CLIP3: variants seen among roughly 807,000 people sequenced by gnomAD.
CLIP3 encodes CAP-Gly domain containing linker protein 3.
CLIP3 carries 15 observed loss-of-function variants against 59.4 expected under a neutral mutation model. The observed-to-expected ratio is 0.25, with a 90% CI of 0.17 to 0.39. The LOEUF (loss-of-function observed/expected upper bound fraction) is 0.39. Ranked by LOEUF, CLIP3 falls within the 10% of genes least tolerant of loss-of-function variation. CLIP3 has a pLI of 1.00. For missense variants in CLIP3, 495 were observed against 765.7 expected, an observed-to-expected ratio of 0.65 and a Z score of 4.17; for synonymous variants, 300 against 321.6, an observed-to-expected ratio of 0.93 and a Z score of 0.72.
chr19:36,031,008 CTT>C (rs374690845), intron 2 of CLIP3, among the ~76,000 whole-genome samples: 18 of 77,838 alleles, frequency 2.3e-4, no homozygotes, highest in African/African-American at 8.2e-4. Flanking sequence ...TTTTTCTTTT[CTT>C]TTTTTTTTTT....
At position 36,026,351 on chromosome 19, in the gene CLIP3, G is replaced by A; in HGVS notation, c.563-86C>T. 7.7e-7 allele frequency: 1 copy of A among 1,300,916 alleles called. No homozygotes were observed. The highest frequency in any genetic ancestry group is 1.1e-6 in the Non-Finnish European group (1 of 910,560). 80.6% of individuals were successfully genotyped at this position (1,300,916 alleles called of 1,614,324 possible). ...CACCTCGGGGCTCATCTCTTAACTT[G>A]CAGGTCCCAGAGCCTCCGACGCAGA... On this transcript the variant is annotated intron_variant, in intron 5 of 13. Coordinates refer to ENST00000360535, the MANE Select transcript of CLIP3 (RefSeq NM_015526.3). This position sits in a 1 kb window ranked among gnomAD's most constrained non-coding sequence, Gnocchi z 6.3.
chr19:36,031,030 TTTTTTTTTTTTG>T, intron 2 of CLIP3, among the ~76,000 whole-genome samples: 1 of 124,256 alleles, frequency 8.0e-6, no homozygotes, highest in African/African-American at 3.4e-5. Flanking sequence ...TTTCTTTTTT[TTTTTTTTTTTTG>T]AGACAGTCTT....
Position 36,030,058 on chromosome 19 carries a change from A to ACTTTTTT in CLIP3, c.166+2127_166+2133dup, listed in dbSNP as rs1250552597. Among the ~76,000 whole-genome samples the ACTTTTTT allele has an allele frequency of 2.6e-5, 4 of 151,990 alleles. No homozygotes were observed. The South Asian group carries it at 8.3e-4, about 32-fold the overall frequency. ...CTCAGGCCCCAGATAACTTCCTTTT[A>ACTTTTTT]CTTTTTTCTTTTTTTGAGACAGGGT... On this transcript the variant is annotated intron_variant, in intron 2 of 13. Transcript: ENST00000360535.
chr19:36,021,723 G>A (rs964603800), intron 7 of CLIP3, among the ~76,000 whole-genome samples: 2 of 151,674 alleles, frequency 1.3e-5, no homozygotes, highest in Non-Finnish European at 2.9e-5. Flanking sequence ...CACATTTGGC[G>A]GAAACATTTT....
intron 2 of CLIP3, among the ~76,000 whole-genome samples, chr19:36,028,016 C>A (rs1212054705): frequency 6.6e-6 from 1 of 151,576 alleles, no homozygotes; most frequent in Non-Finnish European, 1.5e-5. Context: ...GGCAACAGAG[C>A]AAGACCCTGA....
chr19:36,032,550 G>C lies in CLIP3; in HGVS notation c.-58-135C>G, dbSNP rs1969294247. On this transcript the variant is annotated intron_variant, in intron 1 of 13. Coordinates refer to ENST00000360535, the MANE Select transcript of CLIP3 (RefSeq NM_015526.3). This position sits in a 1 kb window ranked among gnomAD's most constrained non-coding sequence, Gnocchi z 4.3. ...ATAGGGACCCCCGTTACCCATAGAGGGCCCCGGTGTGTGCGCCCAGCGCCT... is the reference window on the plus strand; with the variant it reads ...ATAGGGACCCCCGTTACCCATAGAGCGCCCCGGTGTGTGCGCCCAGCGCCT... 2.6e-6 allele frequency: 1 copy of C among 390,484 alleles called. No individual in the cohort carries two copies. Among genetic ancestry groups the C allele is most frequent in the Non-Finnish European group, 4.5e-6 (1 of 221,572 alleles). 24.2% of individuals were successfully genotyped at this position (390,484 alleles called of 1,614,324 possible).
At chr19:36,022,349 A>G (rs533695796) in intron 7 of CLIP3, among the ~76,000 whole-genome samples, 94 of 152,276 alleles carry the variant, frequency 6.2e-4, no homozygotes, top group South Asian at 3.9e-3. Flanking sequence ...CCATTTACGG[A>G]TGAAGACATT....
chr19:36,024,362 A>ACCCCCC, intron 7 of CLIP3, 34 bp downstream of exon 7: 1 of 1,378,006 alleles, frequency 7.3e-7, no homozygotes, highest in Non-Finnish European at 1.0e-6. Context: ...TCCCACCCCC[A>ACCCCCC]CCCACCATGC....
At position 36,032,525 on chromosome 19, in the gene CLIP3, A is replaced by G; in HGVS notation, c.-58-110T>C. On this transcript the variant is annotated intron_variant, in intron 1 of 13. Transcript: ENST00000360535. This position sits in a 1 kb window ranked among gnomAD's most constrained non-coding sequence, Gnocchi z 4.3. ...CCGCGCAACTGGATCTTGGGCAACC[A>G]TAGGGACCCCCGTTACCCATAGAGG... 2.5e-6 allele frequency: 1 copy of G among 397,486 alleles called. No individual in the cohort carries two copies. The highest frequency in any genetic ancestry group is 4.4e-6 in the Non-Finnish European group (1 of 226,332). The allele number at this position is 397,486 out of a possible 1,614,324, so 24.6% of individuals were successfully genotyped here.
At position 36,026,431 on chromosome 19, in the gene CLIP3, G is replaced by C. The variant is rs1313809600; in HGVS notation, c.562+155C>G. On this transcript the variant is annotated intron_variant, in intron 5 of 13. Transcript: ENST00000360535. The surrounding 1 kb of genome is among the most constrained non-coding windows in gnomAD (Gnocchi z 6.3). ...CCCTTGGCAGCCCCGACCCTCCCTAGAGTGGTAGTCCCTGAGCCCCCTCTC... is the reference window on the plus strand; with the variant it reads ...CCCTTGGCAGCCCCGACCCTCCCTACAGTGGTAGTCCCTGAGCCCCCTCTC... Among the ~76,000 whole-genome samples, 1 of 142,718 alleles carries C rather than the reference G, an allele frequency of 7.0e-6. No homozygotes were observed. The highest frequency in any genetic ancestry group is 2.2e-4 in the South Asian group (1 of 4,584). The allele number at this position is 142,718 out of a possible 152,430, so 93.6% of individuals were successfully genotyped here. A position where few individuals can be genotyped will look rare whatever the true frequency, so the allele number is the denominator to read the frequency against.
At chr19:36,020,923 A>G (rs2145395155) in intron 7 of CLIP3, among the ~76,000 whole-genome samples, 1 of 152,026 alleles carries the variant, frequency 6.6e-6, no homozygotes, top group African/African-American at 2.4e-5. Context: ...GTGCAATCAT[A>G]GCTCAGTGTA....
chr19:36,016,068 G>A lies in CLIP3; in HGVS notation c.*90C>T. 7.2e-7 allele frequency: 1 copy of A among 1,380,694 alleles called. No homozygotes were observed. The highest frequency in any genetic ancestry group is 1.2e-5 in the South Asian group (1 of 83,846). The allele number at this position is 1,380,694 out of a possible 1,614,324, so 85.5% of individuals were successfully genotyped here. On this transcript the variant is annotated 3_prime_UTR_variant, in exon 14 of 14. Coordinates refer to ENST00000360535, the MANE Select transcript of CLIP3 (RefSeq NM_015526.3). This position sits in a 1 kb window ranked among gnomAD's most constrained non-coding sequence, Gnocchi z 4.1. ...GGGTCTCTACTCTGGATGTGTTACT[G>A]GGAATCTCTATCTCAGGGTGACTCA...
chr19:36,022,692 G>A (rs545344952), intron 7 of CLIP3, among the ~76,000 whole-genome samples: 1 of 152,006 alleles, frequency 6.6e-6, no homozygotes, highest in East Asian at 1.9e-4. Flanking sequence ...GAGCCAAGGC[G>A]GGCGAATCGC....
rs1419750116 is a variant in CLIP3 at position 36,032,330 on chromosome 19, C to A, written c.28G>T (p.Ala10Ser). 2 of 1,273,698 alleles carry A rather than the reference C, an allele frequency of 1.6e-6. No individual in the cohort carries two copies. Among genetic ancestry groups the A allele is most frequent in the Admixed American group, 4.1e-5 (1 of 24,532 alleles). 78.9% of individuals were successfully genotyped at this position (1,273,698 alleles called of 1,614,324 possible). Residue 10 changes from alanine to serine, a missense_variant, in exon 2 of 14, where the codon GCC becomes TCC. Coordinates refer to ENST00000360535, the MANE Select transcript of CLIP3 (RefSeq NM_015526.3). This position sits in a 1 kb window ranked among gnomAD's most constrained non-coding sequence, Gnocchi z 4.3. The part of the protein sequence containing the change: MTKTDPAPM[A>S]PPPRGEEEEE... The stretch of plus-strand genomic sequence containing the variant: ...TCCTCCTCTCCTCGGGGTGGCGGGG[C>A]CATCGGGGCAGGATCTGTCTTAGTC...
rs1173827401 is a variant in CLIP3, at chr19:36,032,318, G to C, written c.40C>G (p.Arg14Gly). The C allele has an allele frequency of 6.3e-6, 8 of 1,275,184 alleles. No homozygotes were observed. Among genetic ancestry groups the C allele is most frequent in the Middle Eastern group, 2.0e-4 (1 of 4,928 alleles). The allele number at this position is 1,275,184 out of a possible 1,614,324, so 79.0% of individuals were successfully genotyped here. A position where few individuals can be genotyped will look rare whatever the true frequency, so the allele number is the denominator to read the frequency against. Residue 14 changes from arginine to glycine, a missense_variant, in exon 2 of 14, where the codon CGA becomes GGA. By Grantham distance (125) the Arg-to-Gly change is moderately radical. Transcript: ENST00000360535. The surrounding 1 kb of genome is among the most constrained non-coding windows in gnomAD (Gnocchi z 4.3). ...TCCTCCTCTTCTTCCTCCTCTCCTC[G>C]GGGTGGCGGGGCCATCGGGGCAGGA... The part of the protein sequence containing the change: ...TDPAPMAPPP[R>G]GEEEEEEEED...
At chr19:36,018,413 T>A (rs1368364147) in intron 9 of CLIP3, among the ~76,000 whole-genome samples, 1 of 151,838 alleles carries the variant, frequency 6.6e-6, no homozygotes, top group Non-Finnish European at 1.5e-5. Context: ...ACCCTGTCTC[T>A]ACAGAAAAAA....
intron 7 of CLIP3, among the ~76,000 whole-genome samples, chr19:36,021,363 C>T (rs1432218249): frequency 6.6e-6 from 1 of 152,026 alleles, no homozygotes; most frequent in African/African-American, 2.4e-5. Flanking sequence ...TGGCACAGTG[C>T]AGCCTCAAAC....
intron 2 of CLIP3, among the ~76,000 whole-genome samples, chr19:36,031,503 C>T (rs1296423237): frequency 6.6e-6 from 1 of 152,176 alleles, no homozygotes; most frequent in African/African-American, 2.4e-5. Flanking sequence ...CGATAAATAT[C>T]GCTCGGTCAA....
intron 7 of CLIP3, among the ~76,000 whole-genome samples, chr19:36,021,918 G>T (rs2145396774): frequency 6.6e-6 from 1 of 151,736 alleles, no homozygotes; most frequent in African/African-American, 2.4e-5. Context: ...TCACACTTTG[G>T]CCCAGGCTGG....
Sources: allele counts gnomAD v4.1 joint callset (sites outside exome capture counted in the v4.1 genomes callset), GRCh38; gene constraint gnomAD v4.1.1; non-coding constraint Gnocchi (gnomAD v3.1); transcripts MANE v1.5; gene names NCBI Gene and HGNC (gene_info 2026-07-23, HGNC 2026-07-21).